Variants in HPCAL4 observed in about 807,000 individuals in gnomAD.
HPCAL4 encodes hippocalcin like 4, also known as hippocalcin-like protein 4.
HPCAL4 carries 16 observed loss-of-function variants against 18.2 expected under a neutral mutation model. That is an observed-to-expected ratio of 0.88 (90% CI 0.59 to 1.33). The LOEUF is 1.33. Ranked by LOEUF, HPCAL4 falls within the 40% of genes most tolerant of loss-of-function variation. The pLI is 0.00. For synonymous variants in HPCAL4, 80 were observed against 97.5 expected (o/e 0.82, Z 1.06); for missense variants, 214 against 256.6 (o/e 0.83, Z 1.14).
At chr1:39,690,157 T>C (rs1204644513) in intron 1 of HPCAL4, among the ~76,000 whole-genome samples, 1 of 152,116 alleles carries the variant, frequency 6.6e-6, no homozygotes, top group African/African-American at 2.4e-5. Context: ...TCAGGTCTCC[T>C]CTCTTTAATG....
In HPCAL4 at chr1:39,679,624, G is replaced by A. The variant is rs1646607726; in HGVS notation, c.*2912C>T. The A allele has an allele frequency of 6.6e-6, 1 of 152,204 alleles. No homozygotes were observed. The highest frequency in any genetic ancestry group is 2.4e-5 in the African/African-American group (1 of 41,454). 9.4% of individuals were successfully genotyped at this position (152,204 alleles called of 1,614,324 possible). A position where few individuals can be genotyped will look rare whatever the true frequency, so the allele number is the denominator to read the frequency against. ...TAAATCTCTGCCAGCCTTGTGCTTT[G>A]CGGCAAGTCTCTCTCAGCTGGTGCA... On this transcript the variant is annotated 3_prime_UTR_variant, in exon 4 of 4. Coordinates refer to ENST00000372844, the MANE Select transcript of HPCAL4 (RefSeq NM_016257.4).
rs1248413810 is a variant in HPCAL4 at position 39,682,449 on chromosome 1, C to T, written c.*87G>A. On this transcript the variant is annotated 3_prime_UTR_variant, in exon 4 of 4. Coordinates refer to ENST00000372844, the MANE Select transcript of HPCAL4 (RefSeq NM_016257.4). ...GCCAGAGAGGGGGGCTGGAGTGTCC[C>T]TCCTCCTGGGAGGCCAGCCAGAGAG... is the stretch of plus-strand genomic sequence containing the variant. The T allele has an allele frequency of 1.5e-6, 2 of 1,316,266 alleles. No homozygotes were observed. The highest frequency in any genetic ancestry group is 2.2e-6 in the Non-Finnish European group (2 of 927,148). 81.5% of individuals were successfully genotyped at this position (1,316,266 alleles called of 1,614,324 possible). A position where few individuals can be genotyped will look rare whatever the true frequency, so the allele number is the denominator to read the frequency against.
At chr1:39,683,888 A>T (rs752417009) in intron 3 of HPCAL4, 49 bp downstream of exon 3, 1 of 1,541,306 alleles carries the variant, frequency 6.5e-7, no homozygotes, top group Non-Finnish European at 8.9e-7. Flanking sequence ...AGGGGCGGGG[A>T]TGGCGAAGCG....
chr1:39,684,637 C>T, intron 1 of HPCAL4, 26 bp from the exon 2 acceptor site: 1 of 1,543,280 alleles, frequency 6.5e-7, no homozygotes, highest in Non-Finnish European at 8.7e-7. Flanking sequence ...ATTCCTCCGA[C>T]TGGGTCCAGG....
chr1:39,685,315 C>T (rs899651104), intron 1 of HPCAL4, among the ~76,000 whole-genome samples: 3 of 152,148 alleles, frequency 2.0e-5, no homozygotes, highest in Non-Finnish European at 2.9e-5. Flanking sequence ...AGGGAACAGA[C>T]GCTCCTGGGA....
chr1:39,689,008 G>T (rs1271024301), intron 1 of HPCAL4, among the ~76,000 whole-genome samples: 3 of 152,128 alleles, frequency 2.0e-5, no homozygotes, highest in Admixed American at 6.6e-5. Flanking sequence ...AGTCTGATTT[G>T]AGACAGGTCT....
intron 1 of HPCAL4, among the ~76,000 whole-genome samples, chr1:39,688,123 A>G (rs975849317): frequency 2.6e-5 from 4 of 152,136 alleles, no homozygotes; most frequent in Non-Finnish European, 4.4e-5. Context: ...ACTCTTGTTC[A>G]GCACAGACCT....
intron 1 of HPCAL4, among the ~76,000 whole-genome samples, chr1:39,689,737 G>A (rs1646703499): frequency 6.6e-6 from 1 of 152,210 alleles, no homozygotes; most frequent in Non-Finnish European, 1.5e-5. Context: ...TGAATGGAGA[G>A]GTGGCTGAGG....
At position 39,679,944 on chromosome 1, in the gene HPCAL4, A is replaced by C. The variant is rs12039225; in HGVS notation, c.*2592T>G. On this transcript the variant is annotated 3_prime_UTR_variant, in exon 4 of 4. Transcript: ENST00000372844. ...TGGGTAGGCATGTTTCTCTTAGTGA[A>C]GATGATGGTGGGTAAAGACAATGCA... The C allele has an allele frequency of 0.1, 15,596 of 152,704 alleles. 1,570 individuals carry two copies. The highest frequency in any genetic ancestry group is 0.45 in the East Asian group (2,350 of 5,174). 9.5% of individuals were successfully genotyped at this position (152,704 alleles called of 1,614,324 possible). A position where few individuals can be genotyped will look rare whatever the true frequency, so the allele number is the denominator to read the frequency against.
At chr1:39,684,722 A>C in intron 1 of HPCAL4, 111 bp from the exon 2 acceptor site, 4 of 872,542 alleles carry the variant, frequency 4.6e-6, no homozygotes, top group Non-Finnish European at 6.6e-6. Flanking sequence ...CCTTCCCCTC[A>C]TGACACTCCC....
At position 39,683,926 on chromosome 1, in the gene HPCAL4, C is replaced by T; in HGVS notation, c.378+11G>A. 6.2e-7 allele frequency: 1 copy of T among 1,609,828 alleles called. No individual in the cohort carries two copies. Among genetic ancestry groups the T allele is most frequent in the African/African-American group, 1.3e-5 (1 of 74,966 alleles). The stretch of plus-strand genomic sequence containing the variant: ...GGCCTCGGGAACAGCAGCGCCCGCG[C>T]GGCCCCGCACCTCGATGATCTCCAG... On this transcript the variant is annotated intron_variant, in intron 3 of 3. Coordinates refer to ENST00000372844, the MANE Select transcript of HPCAL4 (RefSeq NM_016257.4).
At chr1:39,689,996 A>C (rs982193909) in intron 1 of HPCAL4, among the ~76,000 whole-genome samples, 2 of 152,124 alleles carry the variant, frequency 1.3e-5, no homozygotes, top group African/African-American at 4.8e-5. Context: ...GCCACCTACA[A>C]TTTGGAGCTG....
At position 39,678,671 on chromosome 1, in the gene HPCAL4, G is replaced by C. The variant is rs931131629; in HGVS notation, c.*3865C>G. On this transcript the variant is annotated 3_prime_UTR_variant, in exon 4 of 4. Coordinates refer to ENST00000372844, the MANE Select transcript of HPCAL4 (RefSeq NM_016257.4). ...AGCACAGTTGCACCTTTTATTCACT[G>C]TCAGTGGGGAAAGAAACACACCACA... The C allele has an allele frequency of 1.3e-5, 2 of 152,350 alleles. No homozygotes were observed. Among genetic ancestry groups the C allele is most frequent in the African/African-American group, 4.8e-5 (2 of 41,374 alleles). 9.4% of individuals were successfully genotyped at this position (152,350 alleles called of 1,614,324 possible).
intron 1 of HPCAL4, among the ~76,000 whole-genome samples, chr1:39,686,492 G>A (rs1048500434): frequency 1.3e-5 from 2 of 152,192 alleles, no homozygotes; most frequent in South Asian, 2.1e-4. Flanking sequence ...GTGGAGAGAC[G>A]TGGATGGGCT....
chr1:39,684,645 A>C, intron 1 of HPCAL4, 34 bp from the exon 2 acceptor site: 1 of 1,524,440 alleles, frequency 6.6e-7, no homozygotes, highest in South Asian at 1.3e-5. Context: ...GACTGGGTCC[A>C]GGGAAAGGCC....
At chr1:39,683,876 G>T in intron 3 of HPCAL4, 61 bp downstream of exon 3, 1 of 1,462,990 alleles carries the variant, frequency 6.8e-7, no homozygotes, top group Non-Finnish European at 9.5e-7. Context: ...CAGCGCGGAG[G>T]CAGGGGCGGG....
At chr1:39,685,173 C>G (rs1187380602) in intron 1 of HPCAL4, among the ~76,000 whole-genome samples, 1 of 152,240 alleles carries the variant, frequency 6.6e-6, no homozygotes, top group Non-Finnish European at 1.5e-5. Context: ...TTTATTGAGA[C>G]TGACTGTGTG....
chr1:39,683,440 C>G (rs1010852211), intron 3 of HPCAL4, among the ~76,000 whole-genome samples: 38 of 152,230 alleles, frequency 2.5e-4, no homozygotes, highest in Non-Finnish European at 5.0e-4. Context: ...AAAGGCCTCA[C>G]CCCATTCAGG....
intron 1 of HPCAL4, among the ~76,000 whole-genome samples, chr1:39,690,172 C>G (rs758075809): frequency 2.0e-5 from 3 of 152,154 alleles, no homozygotes; most frequent in Non-Finnish European, 2.9e-5. Flanking sequence ...TTAATGTCCT[C>G]TTGGTTCAGG....
Sources: allele counts gnomAD v4.1 joint callset (sites outside exome capture counted in the v4.1 genomes callset), GRCh38; gene constraint gnomAD v4.1.1; transcripts MANE v1.5; gene names NCBI Gene and HGNC (gene_info 2026-07-23, HGNC 2026-07-21).